The following JPH3 variants were observed in gnomAD, a reference collection of about 807,000 sequenced individuals.
JPH3 encodes junctophilin-3.
In JPH3, 11 loss-of-function variants were observed where a neutral mutation model predicts 59.6. That is an observed-to-expected ratio of 0.18 (90% CI 0.12 to 0.31). The LOEUF is 0.31. Among genes scored for constraint, JPH3 ranks in the 10% least tolerant of loss-of-function variants. The pLI is 1.00. For missense variants in JPH3, 1,202 were observed against 1,105.7 expected (o/e 1.09, Z -1.24); for synonymous variants, 673 against 483.6 (o/e 1.39, Z -5.14).
chr16:87,664,278 C>A (rs1035429469), intron 2 of JPH3, among the ~76,000 whole-genome samples: 1 of 146,312 alleles, frequency 6.8e-6, no homozygotes, highest in Non-Finnish European at 1.5e-5. Flanking sequence ...TTGCAGTGAG[C>A]CGAGATTGCG....
intron 1 of JPH3, among the ~76,000 whole-genome samples, chr16:87,634,194 G>C (rs79098994): frequency 0.017 from 2,538 of 152,332 alleles, 83 homozygotes; most frequent in East Asian, 0.14. Context: ...GGCTCTCACT[G>C]TCACGTTGGA....
intron 1 of JPH3, among the ~76,000 whole-genome samples, chr16:87,606,402 A>ACTC (rs994256843): frequency 3.3e-5 from 5 of 151,794 alleles, no homozygotes; most frequent in Admixed American, 1.3e-4. Context: ...ACCTGTGCCA[A>ACTC]CTCCTCCTCC....
intron 2 of JPH3, among the ~76,000 whole-genome samples, chr16:87,668,233 C>A (rs1305909035): frequency 6.6e-6 from 1 of 152,216 alleles, no homozygotes; most frequent in African/African-American, 2.4e-5. Flanking sequence ...GCTGCTGGAT[C>A]TGGAGGCCGG....
At chr16:87,616,058 C>T (rs890352358) in intron 1 of JPH3, among the ~76,000 whole-genome samples, 10 of 152,118 alleles carry the variant, frequency 6.6e-5, no homozygotes, top group African/African-American at 1.4e-4. Context: ...CTGTGGCTGC[C>T]GCAGTTGGGA....
intron 2 of JPH3, among the ~76,000 whole-genome samples, chr16:87,674,152 G>A (rs1472365330): frequency 6.6e-6 from 1 of 151,840 alleles, no homozygotes; most frequent in Non-Finnish European, 1.5e-5. Flanking sequence ...GGCTAACACG[G>A]TGAAACCCCG....
intron 2 of JPH3, among the ~76,000 whole-genome samples, chr16:87,647,529 C>G (rs2150847990): frequency 6.6e-6 from 1 of 152,346 alleles, no homozygotes; most frequent in East Asian, 1.9e-4. Context: ...TGCGGCTTGC[C>G]TTCTGCACTG....
chr16:87,682,881 C>T (rs2033329436), intron 2 of JPH3, among the ~76,000 whole-genome samples: 1 of 152,248 alleles, frequency 6.6e-6, no homozygotes, highest in Admixed American at 6.5e-5. Context: ...ATGCAAGCCC[C>T]AGGCTGCTGA....
intron 1 of JPH3, among the ~76,000 whole-genome samples, chr16:87,628,001 G>A (rs543199658): frequency 1.3e-5 from 2 of 152,362 alleles, no homozygotes; most frequent in Admixed American, 1.3e-4. Flanking sequence ...AGGCAGTGAG[G>A]GGATCATGGG....
intron 2 of JPH3, among the ~76,000 whole-genome samples, chr16:87,661,590 G>T (rs1344008760): frequency 6.6e-6 from 1 of 152,232 alleles, no homozygotes; most frequent in African/African-American, 2.4e-5. Context: ...ACAGCCGAGG[G>T]TCTGACTGGG....
At chr16:87,662,725 C>T (rs929184774) in intron 2 of JPH3, among the ~76,000 whole-genome samples, 3 of 152,236 alleles carry the variant, frequency 2.0e-5, no homozygotes, top group African/African-American at 4.8e-5. Flanking sequence ...CTGCTTTCCT[C>T]TGGCTCATCT....
chr16:87,634,860 C>T (rs937082325), intron 1 of JPH3, among the ~76,000 whole-genome samples: 4 of 152,234 alleles, frequency 2.6e-5, no homozygotes, highest in African/African-American at 9.6e-5. Flanking sequence ...TTCGGATCAG[C>T]TCAGCGTAGG....
chr16:87,639,033 G>C (rs4843644), intron 1 of JPH3, among the ~76,000 whole-genome samples: 104,846 of 152,076 alleles, frequency 0.69, 36,267 homozygotes, highest in South Asian at 0.81. Flanking sequence ...TAACGCTGCC[G>C]CTTCCGCTTC....
intron 2 of JPH3, among the ~76,000 whole-genome samples, chr16:87,681,657 T>G (rs1001310485): frequency 1.6e-4 from 24 of 151,320 alleles, no homozygotes; most frequent in Non-Finnish European, 2.9e-4. Context: ...GGAGGTCAGG[T>G]GCGCGCGGTG....
At chr16:87,627,060 C>G (rs2031403702) in intron 1 of JPH3, among the ~76,000 whole-genome samples, 1 of 152,242 alleles carries the variant, frequency 6.6e-6, no homozygotes, top group African/African-American at 2.4e-5. Context: ...CTCTTAAAAG[C>G]CTCAAGCCCG....
At chr16:87,632,389 T>C (rs2031592194) in intron 1 of JPH3, among the ~76,000 whole-genome samples, 1 of 152,228 alleles carries the variant, frequency 6.6e-6, no homozygotes, top group African/African-American at 2.4e-5. Flanking sequence ...GAGAAAACTC[T>C]CTTCCTTTCA....
At chr16:87,647,328 C>T (rs1031478436) in intron 2 of JPH3, among the ~76,000 whole-genome samples, 33 of 152,008 alleles carry the variant, frequency 2.2e-4, no homozygotes, top group Admixed American at 1.3e-3. Context: ...CCAGCCTTGG[C>T]ATGGCCAGCA....
chr16:87,690,674 G>A (rs1474762548), intron 4 of JPH3, 148 bp downstream of exon 4: 2 of 860,458 alleles, frequency 2.3e-6, no homozygotes, highest in East Asian at 3.1e-5. Flanking sequence ...CGGGAGTGGT[G>A]GCCCTCAGGT....
At chr16:87,674,305 C>T (rs908919597) in intron 2 of JPH3, among the ~76,000 whole-genome samples, 15 of 152,054 alleles carry the variant, frequency 9.9e-5, no homozygotes, top group African/African-American at 3.1e-4. Context: ...CTGACTCCAG[C>T]CTGGACGACA....
intron 2 of JPH3, among the ~76,000 whole-genome samples, chr16:87,656,820 A>C (rs933316029): frequency 2.0e-5 from 3 of 152,042 alleles, no homozygotes; most frequent in Admixed American, 6.5e-5. Flanking sequence ...GCAGAAATGC[A>C]TTTTCTCCCC....
Sources: gnomAD v4.1 joint callset for allele counts (sites outside exome capture counted in the v4.1 genomes callset) on GRCh38, gnomAD v4.1.1 for gene constraint, MANE v1.5 for transcripts, NCBI Gene and HGNC (gene_info 2026-07-23, HGNC 2026-07-21) for gene names.